Variants in RNF214 observed in about 807,000 individuals in gnomAD.
RNF214 encodes the protein ring finger protein 214.
A neutral mutation model predicts 75.9 loss-of-function variants in RNF214; 25 were observed. The ratio of observed to expected loss-of-function variants is 0.33; its 90% CI spans 0.24 to 0.46. The LOEUF (loss-of-function observed/expected upper bound fraction) is 0.46. Ranked by LOEUF, RNF214 falls within the 20% of genes least tolerant of loss-of-function variation. The probability of loss-of-function intolerance (pLI) is 1.00; values close to 1 mark genes in which losing one functional copy is unlikely to be tolerated. For synonymous variants in RNF214, 314 were observed against 308.8 expected, an observed-to-expected ratio of 1.02 and a Z score of -0.18; for missense variants, 725 against 857.5, an observed-to-expected ratio of 0.85 and a Z score of 1.93.
At chr11:117,284,484 G>A (rs2034200986) in intron 14 of RNF214, among the ~76,000 whole-genome samples, 1 of 152,170 alleles carries the variant, frequency 6.6e-6, no homozygotes, top group African/African-American at 2.4e-5. Context: ...GCTCATCTCA[G>A]GCAAAATGGA....
At chr11:117,233,869 A>G (rs969994744) in intron 1 of RNF214, among the ~76,000 whole-genome samples, 2 of 152,242 alleles carry the variant, frequency 1.3e-5, no homozygotes, top group Non-Finnish European at 1.5e-5. Context: ...AAAGTGATTT[A>G]AAAACATGAG....
At chr11:117,244,337 A>G in intron 4 of RNF214, 108 bp from the exon 5 acceptor site, 1 of 822,696 alleles carries the variant, frequency 1.2e-6, no homozygotes, top group Non-Finnish European at 1.9e-6. Flanking sequence ...TAGCTTCATT[A>G]TTGGATAGTG....
Position 117,283,048 on chromosome 11 carries a change from A to T in RNF214, c.1951-67A>T, listed in dbSNP as rs544136502. The T allele has an allele frequency of 8.7e-6, 10 of 1,147,406 alleles. No individual in the cohort carries two copies. In the South Asian group the frequency reaches 1.3e-4, roughly 15 times the overall value. The allele number at this position is 1,147,406 out of a possible 1,614,324, so 71.1% of individuals were successfully genotyped here. A position where few individuals can be genotyped will look rare whatever the true frequency, so the allele number is the denominator to read the frequency against. On this transcript the variant is annotated intron_variant, in intron 13 of 14. Coordinates refer to ENST00000300650, the MANE Select transcript of RNF214 (RefSeq NM_207343.4). ...ATAAATCTTTTTGCTGCATGGAATT[A>T]TGGGCATAAAAGGCAAGGAGACCCA...
intron 1 of RNF214, 119 bp from the exon 2 acceptor site, chr11:117,234,148 C>CAGGTTTTT (rs1182908410): frequency 8.1e-5 from 59 of 730,352 alleles, no homozygotes; most frequent in South Asian, 4.2e-4. Context: ...TCCCGGAGCC[C>CAGGTTTTT]AGGTTTTTGT....
At position 117,281,296 on chromosome 11, in the gene RNF214, C is replaced by T. The variant is rs1156422618; in HGVS notation, c.1146-18C>T. 6.3e-7 allele frequency: 1 copy of T among 1,584,578 alleles called. No homozygotes were observed. Among genetic ancestry groups the T allele is most frequent in the African/African-American group, 1.3e-5 (1 of 74,260 alleles). On this transcript the variant is annotated intron_variant, in intron 8 of 14. Coordinates refer to ENST00000300650, the MANE Select transcript of RNF214 (RefSeq NM_207343.4). ...GGGCTTTCTTTAAATCTGTAAATTC[C>T]TGTTGGTTTCTTGAAAGGTCAACTC...
Position 117,246,864 on chromosome 11 carries a change from A to G in RNF214, c.875A>G (p.Lys292Arg), listed in dbSNP as rs767912189. The change falls in exon 6 of 15, where the codon AAG (lysine) becomes AGG (arginine). Residue 292 changes from lysine to arginine, a missense_variant. Transcript: ENST00000300650. ...ATAAAGCGGGAAGAAACAAAGAAGA[A>G]GATAGAGAAAGAGAAGAAGGAGTTT... is the stretch of plus-strand genomic sequence containing the variant. ...VTIKREETKK[K>R]IEKEKKEFLQ... 6.2e-7 allele frequency: 1 copy of G among 1,613,368 alleles called. No individual in the cohort carries two copies. Among genetic ancestry groups the G allele is most frequent in the Non-Finnish European group, 8.5e-7 (1 of 1,179,628 alleles).
intron 5 of RNF214, among the ~76,000 whole-genome samples, chr11:117,245,102 T>G (rs2033179771): frequency 6.6e-6 from 1 of 150,848 alleles, no homozygotes; most frequent in Non-Finnish European, 1.5e-5. Context: ...GTGGATCAGT[T>G]GGGTCCAGGA....
intron 6 of RNF214, among the ~76,000 whole-genome samples, chr11:117,257,635 T>C (rs749049494): frequency 6.6e-6 from 1 of 152,020 alleles, no homozygotes; most frequent in Non-Finnish European, 1.5e-5. Flanking sequence ...GGTGGGAAAA[T>C]AGAGAAGGGC....
At chr11:117,279,018 G>T (rs1016604353) in intron 6 of RNF214, among the ~76,000 whole-genome samples, 1 of 152,102 alleles carries the variant, frequency 6.6e-6, no homozygotes. Flanking sequence ...GATTGCTTGA[G>T]CCCAGGGGGT....
At chr11:117,246,522 G>A (rs1469410524) in intron 5 of RNF214, among the ~76,000 whole-genome samples, 3 of 152,182 alleles carry the variant, frequency 2.0e-5, no homozygotes, top group Non-Finnish European at 4.4e-5. Flanking sequence ...TTGAACACCA[G>A]TAATGAAGAG....
At chr11:117,282,724 C>CT (rs1469425311) in intron 12 of RNF214, 22 bp from the exon 13 acceptor site, 3 of 1,604,490 alleles carry the variant, frequency 1.9e-6, no homozygotes, top group Non-Finnish European at 2.6e-6. Flanking sequence ...TTCCCTTACT[C>CT]TGACAATGTT....
chr11:117,262,048 T>C (rs988307668), intron 6 of RNF214, among the ~76,000 whole-genome samples: 7 of 151,142 alleles, frequency 4.6e-5, no homozygotes, highest in Non-Finnish European at 7.4e-5. Flanking sequence ...TTGTGTCTGT[T>C]TTTTTTTTTC....
rs1391804743 is a variant in RNF214 at position 117,269,657 on chromosome 11, C to T, written c.960-10251C>T. On this transcript the variant is annotated intron_variant, in intron 6 of 14. Coordinates refer to ENST00000300650, the MANE Select transcript of RNF214 (RefSeq NM_207343.4). Reference sequence around the variant, plus strand: ...GGATTACAGGCGTGAGCCACTGGAGCCACTGTGCTTGGCCTAACAAAGGTT... The same window carrying T: ...GGATTACAGGCGTGAGCCACTGGAGTCACTGTGCTTGGCCTAACAAAGGTT... Among the ~76,000 whole-genome samples, 9 of 152,240 alleles carry T rather than the reference C, an allele frequency of 5.9e-5. 1 individual carries two copies. Among genetic ancestry groups the T allele is most frequent in the Non-Finnish European group, 1.3e-4 (9 of 68,046 alleles).
intron 6 of RNF214, among the ~76,000 whole-genome samples, chr11:117,257,723 A>G (rs2033557499): frequency 1.3e-5 from 2 of 152,186 alleles, no homozygotes; most frequent in South Asian, 4.1e-4. Flanking sequence ...AATGAGAGAA[A>G]GAAAGGGAAA....
chr11:117,239,957 C>A, intron 4 of RNF214, 97 bp downstream of exon 4: 1 of 675,014 alleles, frequency 1.5e-6, no homozygotes, highest in Admixed American at 2.7e-5. Context: ...GAGTCCCTTT[C>A]ATAAAATTCC....
chr11:117,251,691 A>G (rs2033397459), intron 6 of RNF214, among the ~76,000 whole-genome samples: 1 of 152,156 alleles, frequency 6.6e-6, no homozygotes, highest in African/African-American at 2.4e-5. Context: ...CACTGCCGGC[A>G]GGGGGCTCAG....
intron 2 of RNF214, among the ~76,000 whole-genome samples, chr11:117,236,142 G>A (rs912187785): frequency 1.3e-5 from 2 of 151,974 alleles, no homozygotes; most frequent in East Asian, 1.9e-4. Context: ...TGTATTTTTA[G>A]TGGAGACCGG....
Position 117,234,305 on chromosome 11 carries a change from C to G in RNF214, c.33C>G (p.Ala11=). ...CGTCTGAGGTTGCTGGTGTTGTGGC[C>G]AATGCCCCCAGTCCTCCGGAATCTT... MAASEVAGVV[A]NAPSPPESSS... The change falls in exon 2 of 15, where the codon GCC becomes GCG. Residue 11 remains alanine (A), a synonymous_variant. Coordinates refer to ENST00000300650, the MANE Select transcript of RNF214 (RefSeq NM_207343.4). The G allele has an allele frequency of 6.2e-7, 1 of 1,614,150 alleles. No individual in the cohort carries two copies.
At chr11:117,257,086 C>T (rs1242764183) in intron 6 of RNF214, among the ~76,000 whole-genome samples, 1 of 152,110 alleles carries the variant, frequency 6.6e-6, no homozygotes, top group Non-Finnish European at 1.5e-5. Context: ...CCTATAATCC[C>T]AGCTCTTTGG....
Sources: gnomAD v4.1 joint callset for allele counts (sites outside exome capture counted in the v4.1 genomes callset) on GRCh38, gnomAD v4.1.1 for gene constraint, MANE v1.5 for transcripts, NCBI Gene and HGNC (gene_info 2026-07-23, HGNC 2026-07-21) for gene names.